Variants in HNRNPD observed in about 807,000 individuals in gnomAD.
HNRNPD encodes the protein heterogeneous nuclear ribonucleoprotein D0.
In HNRNPD, 3 loss-of-function variants were observed where a neutral mutation model predicts 47.9. That is an observed-to-expected ratio of 0.06 (90% CI 0.03 to 0.16). The LOEUF (loss-of-function observed/expected upper bound fraction) is 0.16, where lower values mean the gene tolerates loss of function less well. Among genes scored for constraint, HNRNPD ranks in the 10% least tolerant of loss-of-function variants. HNRNPD has a pLI of 1.00. For missense variants in HNRNPD, 287 were observed against 454.2 expected, an observed-to-expected ratio of 0.63 and a Z score of 3.35; for synonymous variants, 171 against 165.1, an observed-to-expected ratio of 1.04 and a Z score of -0.28.
chr4:82,365,999 A>G (rs1719735801), intron 2 of HNRNPD, among the ~76,000 whole-genome samples: 1 of 152,058 alleles, frequency 6.6e-6, no homozygotes, highest in Non-Finnish European at 1.5e-5. Flanking sequence ...ATAAAAATAT[A>G]AATTTTGGTA....
intron 1 of HNRNPD, 103 bp downstream of exon 1, chr4:82,373,343 C>T (rs1262582173): frequency 7.0e-7 from 1 of 1,435,896 alleles, no homozygotes; most frequent in African/African-American, 1.5e-5. Flanking sequence ...GCATGGGGGC[C>T]CGGAGAACGG....
chr4:82,359,387 C>T, intron 3 of HNRNPD, 84 bp downstream of exon 3: 1 of 1,008,164 alleles, frequency 9.9e-7, no homozygotes, highest in East Asian at 2.9e-5. Flanking sequence ...AATGGGGAAC[C>T]ACAAATAGGC....
Position 82,353,543 on chromosome 4 carries a change from T to C in HNRNPD, c.*642A>G, listed in dbSNP as rs774405648. ...GATTTGTTCTAAAAAGCACAATACA[T>C]ATTAAGCAAAAACTGGGCATTTGGG... On this transcript the variant is annotated 3_prime_UTR_variant, in exon 9 of 9. Transcript: ENST00000313899. The C allele has an allele frequency of 6.6e-6, 1 of 152,630 alleles. No homozygotes were observed. The highest frequency in any genetic ancestry group is 1.5e-5 in the Non-Finnish European group (1 of 68,038). 9.5% of individuals were successfully genotyped at this position (152,630 alleles called of 1,614,324 possible).
At chr4:82,361,124 A>T (rs1474166924) in intron 2 of HNRNPD, among the ~76,000 whole-genome samples, 2 of 152,200 alleles carry the variant, frequency 1.3e-5, no homozygotes, top group African/African-American at 2.4e-5. Flanking sequence ...GTGTATTTGA[A>T]ATGTTTACTT....
chr4:82,359,460 T>G lies in HNRNPD; in HGVS notation c.459+11A>C. 6.6e-7 allele frequency: 1 copy of G among 1,514,136 alleles called. No individual in the cohort carries two copies. The highest frequency in any genetic ancestry group is 9.0e-7 in the Non-Finnish European group (1 of 1,115,322). The allele number at this position is 1,514,136 out of a possible 1,614,324, so 93.8% of individuals were successfully genotyped here. On this transcript the variant is annotated intron_variant, in intron 3 of 8. Transcript: ENST00000313899. ...TATATTATTAACTGATCAGAACACG[T>G]AACACACTACCTTATCTACACTCTC...
chr4:82,373,655 C>T lies in HNRNPD; in HGVS notation c.24G>A (p.Gly8=), dbSNP rs1362158481. Residue 8 remains glycine (G), a synonymous_variant, in exon 1 of 9, where the codon GGG becomes GGA. Coordinates refer to ENST00000313899, the MANE Select transcript of HNRNPD (RefSeq NM_031370.3). MSEEQFG[G]DGAAAAATAA... Reference sequence around the variant, plus strand: ...CCGTTGCCGCTGCCGCCGCCCCGTCCCCGCCGAACTGCTCCTCCGACATAG... The same window carrying T: ...CCGTTGCCGCTGCCGCCGCCCCGTCTCCGCCGAACTGCTCCTCCGACATAG... The T allele has an allele frequency of 4.6e-6, 7 of 1,527,492 alleles. No individual in the cohort carries two copies. Among genetic ancestry groups the T allele is most frequent in the Non-Finnish European group, 5.2e-6 (6 of 1,143,642 alleles). The allele number at this position is 1,527,492 out of a possible 1,614,324, so 94.6% of individuals were successfully genotyped here.
At chr4:82,367,637 CAGG>C (rs1212457485) in intron 2 of HNRNPD, among the ~76,000 whole-genome samples, 3 of 152,122 alleles carry the variant, frequency 2.0e-5, no homozygotes, top group African/African-American at 7.2e-5. Context: ...TCTAGATAAG[CAGG>C]AGTTTACAGT....
At chr4:82,363,823 T>C (rs1719609689) in intron 2 of HNRNPD, among the ~76,000 whole-genome samples, 1 of 152,204 alleles carries the variant, frequency 6.6e-6, no homozygotes, top group Non-Finnish European at 1.5e-5. Flanking sequence ...TAAAATTAAA[T>C]GACAAGCATA....
chr4:82,360,357 A>C (rs1723910233), intron 2 of HNRNPD, among the ~76,000 whole-genome samples: 1 of 152,150 alleles, frequency 6.6e-6, no homozygotes, highest in African/African-American at 2.4e-5. Context: ...AAGACACTCT[A>C]AGACCAAACG....
In HNRNPD at chr4:82,353,941, A is replaced by G. The variant is rs1057247430; in HGVS notation, c.*244T>C. On this transcript the variant is annotated 3_prime_UTR_variant, in exon 9 of 9. Transcript: ENST00000313899. ...TCTACAATACTGGGGGAAAGGGCAT[A>G]AAACACAAATTGATTCTGAAGCATA... 5.2e-5 allele frequency: 8 copies of G among 152,702 alleles called. No individual in the cohort carries two copies. Among genetic ancestry groups the G allele is most frequent in the Admixed American group, 2.0e-4 (3 of 15,282 alleles). 9.5% of individuals were successfully genotyped at this position (152,702 alleles called of 1,614,324 possible). A position where few individuals can be genotyped will look rare whatever the true frequency, so the allele number is the denominator to read the frequency against.
chr4:82,364,108 C>T (rs1719625419), intron 2 of HNRNPD, among the ~76,000 whole-genome samples: 1 of 152,064 alleles, frequency 6.6e-6, no homozygotes, highest in Non-Finnish European at 1.5e-5. Flanking sequence ...TCACCAGTAG[C>T]TCGGACTACA....
rs762068651 is a variant in HNRNPD, at chr4:82,356,854, T to C, written c.795A>G (p.Gln265=). Residue 265 remains glutamine, a synonymous_variant, in exon 6 of 9, where the codon CAA becomes CAG. Transcript: ENST00000313899. ...CTCCTCTAGATCCCCACTGTTGCTG[T>C]TGCTGATATTGTTCCTTCGACATGG... ...KVAMSKEQYQ[Q]QQQWGSRGGF... is the part of the protein sequence containing the mutation. 3.7e-6 allele frequency: 6 copies of C among 1,614,154 alleles called. No homozygotes were observed. The East Asian group carries it at 6.7e-5, about 18-fold the overall frequency.
intron 4 of HNRNPD, 70 bp downstream of exon 4, chr4:82,358,589 G>C: frequency 7.2e-7 from 1 of 1,387,276 alleles, no homozygotes; most frequent in African/African-American, 1.4e-5. Context: ...AAGTGACTCT[G>C]AGTCCATAAT....
intron 2 of HNRNPD, among the ~76,000 whole-genome samples, chr4:82,367,473 A>G (rs956690473): frequency 2.0e-5 from 3 of 152,188 alleles, no homozygotes; most frequent in Non-Finnish European, 4.4e-5. Flanking sequence ...TTACTTTTCA[A>G]AAGTGTAAGG....
intron 1 of HNRNPD, among the ~76,000 whole-genome samples, chr4:82,372,856 A>C (rs1720130274): frequency 6.6e-6 from 1 of 151,836 alleles, no homozygotes; most frequent in African/African-American, 2.4e-5. Flanking sequence ...ATGGTGGAGA[A>C]AATGAGTAAA....
rs192068807 is a variant in HNRNPD, at chr4:82,366,620, G to A, written c.290+4908C>T. Among the ~76,000 whole-genome samples the A allele has an allele frequency of 1.8e-3, 279 of 152,144 alleles. 2 individuals are homozygous for A. Among genetic ancestry groups the A allele is most frequent in the Non-Finnish European group, 2.9e-3 (195 of 68,004 alleles). On this transcript the variant is annotated intron_variant, in intron 2 of 8. Transcript: ENST00000313899. ...CTTGCTCTGTTGCCCAAGCTGGAAT[G>A]CAGTGGTGCAACCTTGTCTCACTGC...
chr4:82,359,410 T>A, intron 3 of HNRNPD, 61 bp downstream of exon 3: 1 of 1,215,624 alleles, frequency 8.2e-7, no homozygotes, highest in Non-Finnish European at 1.1e-6. Flanking sequence ...ACTCATTGTA[T>A]CAAACTATCC....
At chr4:82,366,922 C>T (rs569426838) in intron 2 of HNRNPD, among the ~76,000 whole-genome samples, 1 of 152,098 alleles carries the variant, frequency 6.6e-6, no homozygotes, top group African/African-American at 2.4e-5. Context: ...TCCATCATAG[C>T]TTCCTGCAGC....
chr4:82,373,286 G>A (rs965465196), intron 1 of HNRNPD, 160 bp downstream of exon 1: 3 of 957,170 alleles, frequency 3.1e-6, no homozygotes, highest in Non-Finnish European at 4.7e-6. Context: ...GGAAATGAAG[G>A]TCCGGGGAAC....
Sources: allele counts gnomAD v4.1 joint callset (sites outside exome capture counted in the v4.1 genomes callset), GRCh38; gene constraint gnomAD v4.1.1; transcripts MANE v1.5; gene names NCBI Gene and HGNC (gene_info 2026-07-23, HGNC 2026-07-21).